FBN2: variants seen among roughly 807,000 people sequenced by gnomAD.
The protein encoded by FBN2 is fibrillin 2.
In FBN2, 105 loss-of-function variants were observed where a neutral mutation model predicts 355.6. That is an observed-to-expected ratio of 0.30 (90% CI 0.25 to 0.35). FBN2 has a LOEUF of 0.35. Among genes scored for constraint, FBN2 ranks in the 10% least tolerant of loss-of-function variants. The probability of loss-of-function intolerance (pLI) is 1.00; values close to 1 mark genes in which losing one functional copy is unlikely to be tolerated. For synonymous variants in FBN2, 1,350 were observed against 1,301.2 expected (o/e 1.04, Z -0.81); for missense variants, 3,280 against 3,758.7 (o/e 0.87, Z 3.33).
chr5:128,485,516 G>A (rs901116095), intron 5 of FBN2, among the ~76,000 whole-genome samples: 1 of 152,028 alleles, frequency 6.6e-6, no homozygotes, highest in African/African-American at 2.4e-5. Flanking sequence ...GTTTGAACAA[G>A]GGAAGATCTC....
intron 58 of FBN2, 142 bp downstream of exon 58, chr5:128,277,738 T>TA: frequency 1.0e-6 from 1 of 960,164 alleles, no homozygotes; most frequent in South Asian, 1.4e-5. Flanking sequence ...AAGAAGCACA[T>TA]TATTGAGAGG....
In FBN2 at chr5:128,330,787, G is replaced by A. The variant is rs1581220768; in HGVS notation, c.4223-92C>T. The stretch of plus-strand genomic sequence containing the variant: ...TTTGTCTTAATTTACATATAAACTG[G>A]ATAAATGACAGGCATTTTAGTTTGC... On this transcript the variant is annotated intron_variant, in intron 32 of 64. Coordinates refer to ENST00000262464, the MANE Select transcript of FBN2 (RefSeq NM_001999.4). 3.6e-6 allele frequency: 5 copies of A among 1,383,458 alleles called. No homozygotes were observed. The East Asian group carries it at 1.2e-4, about 33-fold the overall frequency. The allele number at this position is 1,383,458 out of a possible 1,614,324, so 85.7% of individuals were successfully genotyped here. A position where few individuals can be genotyped will look rare whatever the true frequency, so the allele number is the denominator to read the frequency against.
intron 6 of FBN2, among the ~76,000 whole-genome samples, chr5:128,458,348 A>G (rs972405783): frequency 1.3e-5 from 2 of 152,032 alleles, no homozygotes; most frequent in African/African-American, 4.8e-5. Flanking sequence ...AGACTTCCAC[A>G]CAATAATAGT....
intron 7 of FBN2, among the ~76,000 whole-genome samples, chr5:128,413,020 T>C (rs1037824257): frequency 1.3e-5 from 2 of 152,210 alleles, no homozygotes; most frequent in Non-Finnish European, 2.9e-5. Flanking sequence ...ATAGTGCTAT[T>C]AACAAAGAAT....
intron 23 of FBN2, 142 bp downstream of exon 23, chr5:128,349,205 C>T: frequency 1.1e-6 from 1 of 939,346 alleles, no homozygotes. Context: ...TTAAAACAGC[C>T]TCTAGTGATT....
intron 5 of FBN2, among the ~76,000 whole-genome samples, chr5:128,500,947 G>T (rs1182575223): frequency 6.6e-6 from 1 of 152,168 alleles, no homozygotes; most frequent in Non-Finnish European, 1.5e-5. Flanking sequence ...AGTGAAGACA[G>T]AATTATATCA....
At chr5:128,459,704 G>A (rs13188839) in intron 6 of FBN2, among the ~76,000 whole-genome samples, 41,053 of 152,092 alleles carry the variant, frequency 0.27, 7,209 homozygotes, top group African/African-American at 0.5. Flanking sequence ...CAGAACCAAA[G>A]ACAAAAACCA....
chr5:128,280,572 T>C (rs374767013), intron 55 of FBN2, among the ~76,000 whole-genome samples: 1 of 152,184 alleles, frequency 6.6e-6, no homozygotes, highest in African/African-American at 2.4e-5. Context: ...TGTTAATATA[T>C]AGAATTGAAA....
At chr5:128,493,406 T>C (rs1171086845) in intron 5 of FBN2, among the ~76,000 whole-genome samples, 1 of 152,196 alleles carries the variant, frequency 6.6e-6, no homozygotes, top group Non-Finnish European at 1.5e-5. Context: ...ATAATAATGA[T>C]GATAACAGCT....
intron 7 of FBN2, among the ~76,000 whole-genome samples, chr5:128,444,104 C>T (rs534721386): frequency 3.5e-5 from 4 of 115,930 alleles, no homozygotes; most frequent in African/African-American, 1.4e-4. Context: ...CTCGCTCTGT[C>T]GCCCAGGCCG....
At chr5:128,505,182 T>A (rs1755922936) in intron 5 of FBN2, among the ~76,000 whole-genome samples, 1 of 152,228 alleles carries the variant, frequency 6.6e-6, no homozygotes, top group Admixed American at 6.5e-5. Flanking sequence ...TTCTTGGTTA[T>A]GTCTTTATTA....
intron 24 of FBN2, 101 bp from the exon 25 acceptor site, chr5:128,344,611 T>C: frequency 9.1e-7 from 1 of 1,103,122 alleles, no homozygotes; most frequent in Non-Finnish European, 1.4e-6. Flanking sequence ...CAGTAATGCA[T>C]CCAAGTAAAA....
At chr5:128,469,487 C>CACCACTGCG (rs1357803380) in intron 5 of FBN2, among the ~76,000 whole-genome samples, 1 of 146,460 alleles carries the variant, frequency 6.8e-6, no homozygotes, top group Non-Finnish European at 1.5e-5. Flanking sequence ...GCCAAGATCG[C>CACCACTGCG]ACCACTGCGC....
chr5:128,269,979 G>A (rs777674493), intron 62 of FBN2, among the ~76,000 whole-genome samples: 37 of 152,146 alleles, frequency 2.4e-4, no homozygotes, highest in Admixed American at 7.2e-4. Context: ...ACAACATGGT[G>A]CTGGTACCAG....
rs564440705 is a variant in FBN2, at chr5:128,278,742, T to C, written c.7238A>G (p.Asp2413Gly). ...CTGGTGGCCCCAGCCTCGCCCACCA[T>C]CACAGCAGCATTCTGACTTAGTGAC... Reference protein sequence around the residue: ...NLVTKSECCCDGGRGWGHQCE... With the variant: ...NLVTKSECCCGGGRGWGHQCE... Residue 2413 changes from aspartate (D) to glycine (G), a missense_variant, in exon 57 of 65, where the codon GAT (aspartate) becomes GGT (glycine). This residue lies in a region of FBN2 where 2,284 missense variants were observed against 2,749.5 expected (regional missense o/e 0.83). Transcript: ENST00000262464. 2 of 1,614,178 alleles carry C rather than the reference T, an allele frequency of 1.2e-6. No individual in the cohort carries two copies. Among genetic ancestry groups the C allele is most frequent in the Middle Eastern group, 1.6e-4 (1 of 6,062 alleles).
At chr5:128,264,389 C>A (rs1765064971) in intron 62 of FBN2, among the ~76,000 whole-genome samples, 1 of 152,188 alleles carries the variant, frequency 6.6e-6, no homozygotes, top group South Asian at 2.1e-4. Flanking sequence ...GCAGACTGTG[C>A]TTTCTGAGGC....
At chr5:128,490,029 G>A (rs527917881) in intron 5 of FBN2, among the ~76,000 whole-genome samples, 40 of 152,216 alleles carry the variant, frequency 2.6e-4, no homozygotes, top group African/African-American at 9.1e-4. Context: ...TCATTTCATG[G>A]AAAGAGCCTT....
chr5:128,487,674 T>C (rs1755375555), intron 5 of FBN2, among the ~76,000 whole-genome samples: 1 of 143,318 alleles, frequency 7.0e-6, no homozygotes, highest in Non-Finnish European at 1.5e-5. Flanking sequence ...GAAGAATCAA[T>C]GAATGTTTCA....
chr5:128,345,287 C>T, intron 24 of FBN2, 70 bp downstream of exon 24: 2 of 1,287,342 alleles, frequency 1.6e-6, no homozygotes, highest in Non-Finnish European at 2.3e-6. Context: ...AAAGCAAAAC[C>T]AATTCTCAGA....
Sources: allele counts gnomAD v4.1 joint callset (sites outside exome capture counted in the v4.1 genomes callset), GRCh38; gene constraint gnomAD v4.1.1; regional missense constraint gnomAD v4.1.1; transcripts MANE v1.5; gene names NCBI Gene and HGNC (gene_info 2026-07-23, HGNC 2026-07-21).